Variants in ZDHHC15 observed in about 807,000 individuals in gnomAD.
ZDHHC15 encodes the protein palmitoyltransferase ZDHHC15.
ZDHHC15 carries 19 observed loss-of-function variants against 31.7 expected under a neutral mutation model. The observed-to-expected ratio is 0.60, with a 90% CI of 0.42 to 0.88. The LOEUF is 0.88. Among genes scored for constraint, ZDHHC15 ranks in the 40% least tolerant of loss-of-function variants. The pLI is 0.00. For synonymous variants in ZDHHC15, 103 were observed against 90.0 expected, an observed-to-expected ratio of 1.14 and a Z score of -0.82; for missense variants, 209 against 251.2, an observed-to-expected ratio of 0.83 and a Z score of 1.14.
chrX:75,384,904 C>T, intron 10 of ZDHHC15: 1 of 480,939 alleles, frequency 2.1e-6, no homozygotes, highest in East Asian at 3.7e-5. Context: ...AGATTAAAGA[C>T]TCTTCCATCA....
intron 1 of ZDHHC15, among the ~76,000 whole-genome samples, chrX:75,522,078 A>C (rs752116522): frequency 9.0e-6 from 1 of 110,948 alleles, no homozygotes; most frequent in Non-Finnish European, 1.9e-5. Context: ...GAAGGAGTCG[A>C]ATGCTCCTCA....
At chrX:75,496,954 C>G (rs942889316) in intron 2 of ZDHHC15, among the ~76,000 whole-genome samples, 1 of 110,253 alleles carries the variant, frequency 9.1e-6, no homozygotes, top group Non-Finnish European at 1.9e-5. Flanking sequence ...CAAGAACAAA[C>G]CAAACCAAAG....
At chrX:75,421,419 T>TA (rs1271621305) in intron 9 of ZDHHC15, among the ~76,000 whole-genome samples, 2,061 of 61,956 alleles carry the variant, frequency 0.033, 206 homozygotes, top group Non-Finnish European at 0.046. Flanking sequence ...ATAATATATA[T>TA]ATAATATATA....
chrX:75,519,249 T>G (rs1466958930), intron 1 of ZDHHC15, among the ~76,000 whole-genome samples: 1 of 111,886 alleles, frequency 8.9e-6, no homozygotes, highest in Admixed American at 9.5e-5. Flanking sequence ...CCCTCCTCTC[T>G]AAAAAGCTAA....
chrX:75,403,017 GCAT>G (rs1471888181), intron 10 of ZDHHC15, among the ~76,000 whole-genome samples: 1 of 111,907 alleles, frequency 8.9e-6, no homozygotes, highest in Non-Finnish European at 1.9e-5. Context: ...GAATCCAGCA[GCAT>G]ATCACCAAGC....
chrX:75,415,962 T>C lies in ZDHHC15; in HGVS notation c.967+1125A>G, dbSNP rs146789551. Among the ~76,000 whole-genome samples the C allele has an allele frequency of 7.9e-3, 888 of 112,094 alleles. 11 individuals carry two copies. The highest frequency in any genetic ancestry group is 0.027 in the African/African-American group (818 of 30,855). On this transcript the variant is annotated intron_variant, in intron 10 of 11. Coordinates refer to ENST00000373367, the MANE Select transcript of ZDHHC15 (RefSeq NM_144969.3). Reference sequence around the variant, plus strand: ...TTAGAGTTTGGGTTTAATACCAAAATAAGAGTTGTTATAACTTGTGACTGC... The same window carrying C: ...TTAGAGTTTGGGTTTAATACCAAAACAAGAGTTGTTATAACTTGTGACTGC...
At chrX:75,417,235 C>A (rs369941573) in intron 9 of ZDHHC15, 45 bp from the exon 10 acceptor site, 12 of 963,390 alleles carry the variant, frequency 1.2e-5, no homozygotes, top group African/African-American at 5.8e-5. Flanking sequence ...CTGACATAGA[C>A]TTTTGTGAAG....
chrX:75,429,850 T>C (rs2083757221), intron 6 of ZDHHC15, 98 bp downstream of exon 6: 1 of 878,171 alleles, frequency 1.1e-6, no homozygotes, highest in African/African-American at 2.0e-5. Context: ...TGAATTATGG[T>C]GGCAGAAACA....
chrX:75,384,881 AAAT>A, intron 10 of ZDHHC15: 1 of 506,880 alleles, frequency 2.0e-6, no homozygotes. Context: ...AAAAGATGGT[AAAT>A]AATTGACTAA....
chrX:75,515,857 C>T (rs1426695097), intron 1 of ZDHHC15, among the ~76,000 whole-genome samples: 1 of 111,975 alleles, frequency 8.9e-6, no homozygotes, highest in Non-Finnish European at 1.9e-5. Context: ...GCCAAAATCT[C>T]CTTAAGCTGA....
At chrX:75,467,984 C>G (rs750180383) in intron 3 of ZDHHC15, among the ~76,000 whole-genome samples, 1 of 110,857 alleles carries the variant, frequency 9.0e-6, no homozygotes, top group Non-Finnish European at 1.9e-5. Flanking sequence ...GGATATTTCA[C>G]ATAAATGTAA....
At chrX:75,392,646 C>A (rs930048510) in intron 10 of ZDHHC15, among the ~76,000 whole-genome samples, 1 of 112,124 alleles carries the variant, frequency 8.9e-6, no homozygotes, top group Non-Finnish European at 1.9e-5. Context: ...CAATCCCCAA[C>A]CCAAATACTA....
At chrX:75,462,019 C>T (rs1175257778) in intron 3 of ZDHHC15, among the ~76,000 whole-genome samples, 1 of 111,785 alleles carries the variant, frequency 8.9e-6, no homozygotes, top group African/African-American at 3.3e-5. Context: ...CATTGGTATG[C>T]TGTCTTCAAG....
chrX:75,376,137 T>C (rs2083056952), intron 11 of ZDHHC15, among the ~76,000 whole-genome samples: 1 of 111,245 alleles, frequency 9.0e-6, no homozygotes, highest in Non-Finnish European at 1.9e-5. Flanking sequence ...CGGTTTGGAT[T>C]TGCATTTCTC....
At position 75,452,208 on chromosome X, in the gene ZDHHC15, G is replaced by GAA. The variant is rs139024642; in HGVS notation, c.259-1288_259-1287dup. Among the ~76,000 whole-genome samples the GAA allele has an allele frequency of 5.1e-4, 43 of 85,049 alleles. No individual in the cohort carries two copies. The South Asian group carries it at 6.4e-3, about 13-fold the overall frequency. 73.9% of individuals were successfully genotyped at this position (85,049 alleles called of 115,157 possible). On this transcript the variant is annotated intron_variant, in intron 3 of 11. Coordinates refer to ENST00000373367, the MANE Select transcript of ZDHHC15 (RefSeq NM_144969.3). ...AAGATCTACCAAGCAAATAGAAAGC[G>GAA]AAAAAAAAAAAAAAAAGCAGGGGTT...
At chrX:75,465,602 C>T (rs868040156) in intron 3 of ZDHHC15, among the ~76,000 whole-genome samples, 18 of 111,501 alleles carry the variant, frequency 1.6e-4, no homozygotes, top group Admixed American at 2.9e-4. Context: ...AGAACAGACA[C>T]ATAGACCAAT....
At chrX:75,496,558 C>A (rs991352867) in intron 2 of ZDHHC15, among the ~76,000 whole-genome samples, 5 of 111,753 alleles carry the variant, frequency 4.5e-5, no homozygotes, top group African/African-American at 1.3e-4. Flanking sequence ...AATATACATT[C>A]TTTTCATCAG....
intron 5 of ZDHHC15, among the ~76,000 whole-genome samples, chrX:75,430,521 A>T (rs1051466152): frequency 8.9e-6 from 1 of 112,113 alleles, no homozygotes; most frequent in African/African-American, 3.2e-5. Flanking sequence ...TAAATAAATG[A>T]TTGAATAAAT....
chrX:75,398,849 G>T (rs1458752837), intron 10 of ZDHHC15, among the ~76,000 whole-genome samples: 1 of 111,432 alleles, frequency 9.0e-6, no homozygotes, highest in Non-Finnish European at 1.9e-5. Context: ...GCACAACGCA[G>T]CTGCTCTATC....
Sources: allele counts gnomAD v4.1 joint callset (sites outside exome capture counted in the v4.1 genomes callset), GRCh38; gene constraint gnomAD v4.1.1; transcripts MANE v1.5; gene names NCBI Gene and HGNC (gene_info 2026-07-23, HGNC 2026-07-21).